POLA2: variants seen among roughly 807,000 people sequenced by gnomAD.
The protein encoded by POLA2 is DNA polymerase alpha subunit B.
A neutral mutation model predicts 82.8 loss-of-function variants in POLA2; 47 were observed. That is an observed-to-expected ratio of 0.57 (90% CI 0.45 to 0.72). The LOEUF is 0.72. Among genes scored for constraint, POLA2 ranks in the 30% least tolerant of loss-of-function variants. POLA2 has a pLI of 0.00. For missense variants in POLA2, 634 were observed against 728.1 expected, an observed-to-expected ratio of 0.87 and a Z score of 1.49; for synonymous variants, 287 against 286.8, an observed-to-expected ratio of 1.00 and a Z score of -0.01.
chr11:65,287,658 C>G (rs1189096645), intron 10 of POLA2, 58 bp from the exon 11 acceptor site: 2 of 1,485,752 alleles, frequency 1.3e-6, no homozygotes, highest in Non-Finnish European at 1.9e-6. Context: ...TGTCCTTTCT[C>G]CTCCCACCAT....
At chr11:65,305,938 T>C (rs972996732), downstream of POLA2, among the ~76,000 whole-genome samples, 4 of 152,134 alleles carry the variant, frequency 2.6e-5, no homozygotes, top group Non-Finnish European at 4.4e-5. Flanking sequence ...GGACACACTC[T>C]ATGTATTGAT....
In POLA2 at chr11:65,262,335, T is replaced by C; in HGVS notation, c.43T>C (p.Phe15Leu). Residue 15 changes from phenylalanine (F) to leucine (L), a missense_variant, in exon 1 of 18, where the codon TTC becomes CTC. By Grantham distance (22) the Phe-to-Leu change is conservative. Transcript: ENST00000265465. The stretch of plus-strand genomic sequence containing the variant: ...GCAGCTGGCGGAGGAGCTGCAGATC[T>C]TCGGCCTAGACTGCGAGGAGGCTCT... The part of the protein sequence containing the change: ...AQQLAEELQI[F>L]GLDCEEALIE... The C allele has an allele frequency of 6.2e-7, 1 of 1,613,926 alleles. No individual in the cohort carries two copies. Among genetic ancestry groups the C allele is most frequent in the Non-Finnish European group, 8.5e-7 (1 of 1,179,894 alleles).
chr11:65,267,383 A>G, intron 2 of POLA2, 94 bp from the exon 3 acceptor site: 1 of 683,590 alleles, frequency 1.5e-6, no homozygotes, highest in East Asian at 2.8e-5. Context: ...CTTTGATTAT[A>G]TTTTGAATAC....
intron 3 of POLA2, among the ~76,000 whole-genome samples, chr11:65,268,353 TA>T (rs775058575): frequency 1.9e-4 from 28 of 150,986 alleles, no homozygotes; most frequent in African/African-American, 6.3e-4. Context: ...TTATTATTAT[TA>T]TTATTTTTTT....
intron 13 of POLA2, among the ~76,000 whole-genome samples, chr11:65,293,034 A>G (rs1202665224): frequency 6.6e-6 from 1 of 152,194 alleles, no homozygotes; most frequent in East Asian, 1.9e-4. Context: ...CTTCACTTGT[A>G]TGTTGTAACC....
At chr11:65,286,088 T>A (rs959017716) in intron 10 of POLA2, among the ~76,000 whole-genome samples, 3 of 152,162 alleles carry the variant, frequency 2.0e-5, no homozygotes, top group South Asian at 2.1e-4. Context: ...TCCAGGTGGG[T>A]CCACTATAAT....
At chr11:65,270,464 A>G (rs550435537) in intron 4 of POLA2, among the ~76,000 whole-genome samples, 1 of 152,348 alleles carries the variant, frequency 6.6e-6, no homozygotes, top group African/African-American at 2.4e-5. Context: ...ATATTAAAAG[A>G]AATAATTAGG....
At chr11:65,286,653 G>A (rs1382037273) in intron 10 of POLA2, among the ~76,000 whole-genome samples, 4 of 152,128 alleles carry the variant, frequency 2.6e-5, no homozygotes, top group Non-Finnish European at 4.4e-5. Flanking sequence ...GCCTCTCAAA[G>A]TGCTGGAATT....
intron 1 of POLA2, 196 bp from the exon 2 acceptor site, chr11:65,266,386 T>A: frequency 3.5e-6 from 2 of 569,448 alleles, no homozygotes; most frequent in East Asian, 6.0e-5. Flanking sequence ...TCTGCCCTTA[T>A]CCTCTTTTGT....
intron 4 of POLA2, among the ~76,000 whole-genome samples, chr11:65,275,287 A>G (rs1337986858): frequency 6.6e-6 from 1 of 150,438 alleles, no homozygotes; most frequent in Non-Finnish European, 1.5e-5. Flanking sequence ...ATTATCCTAG[A>G]CTTTAGGGAG....
At chr11:65,265,424 G>C (rs967183280) in intron 1 of POLA2, among the ~76,000 whole-genome samples, 1 of 152,084 alleles carries the variant, frequency 6.6e-6, no homozygotes, top group African/African-American at 2.4e-5. Context: ...GACACTGTTT[G>C]TCATTTTTTC....
At chr11:65,262,837 T>C (rs762564194) in intron 1 of POLA2, among the ~76,000 whole-genome samples, 34 of 152,178 alleles carry the variant, frequency 2.2e-4, no homozygotes, top group Non-Finnish European at 4.0e-4. Context: ...TCTGTGCAAA[T>C]ATGAATCCCT....
intron 8 of POLA2, chr11:65,305,306 A>G (rs1207119487): frequency 2.2e-6 from 1 of 449,978 alleles, no homozygotes; most frequent in East Asian, 7.0e-5. Flanking sequence ...TGAAAAGGTG[A>G]CCAGCCTCAC....
chr11:65,291,325 G>A (rs1025386115), intron 13 of POLA2, among the ~76,000 whole-genome samples: 2 of 152,198 alleles, frequency 1.3e-5, no homozygotes, highest in African/African-American at 4.8e-5. Context: ...TCAATAAGTT[G>A]TAACATTACC....
In POLA2 at chr11:65,268,374, T is replaced by G. The variant is rs184535914; in HGVS notation, c.297-298T>G. On this transcript the variant is annotated intron_variant, in intron 3 of 17. Coordinates refer to ENST00000265465, the MANE Select transcript of POLA2 (RefSeq NM_002689.4). ...TTATTATTATTTTTTTTTTTTGAGA[T>G]GGAGTCTCGCTGTGTCGCCCATGCT... Among the ~76,000 whole-genome samples, 10 of 151,448 alleles carry G rather than the reference T, an allele frequency of 6.6e-5. No individual in the cohort carries two copies. The East Asian group carries it at 1.7e-3, about 26-fold the overall frequency.
chr11:65,300,861 C>T (rs890993107), downstream of POLA2, among the ~76,000 whole-genome samples: 1 of 152,246 alleles, frequency 6.6e-6, no homozygotes, highest in Non-Finnish European at 1.5e-5. Context: ...GGATTACAGG[C>T]GTAAGCCACT....
chr11:65,296,194 T>G, intron 17 of POLA2: 1 of 562,192 alleles, frequency 1.8e-6, no homozygotes, highest in Non-Finnish European at 3.2e-6. Context: ...GTAAACAGTG[T>G]CCTCTCCTCC....
At chr11:65,264,176 T>C (rs190096369) in intron 1 of POLA2, among the ~76,000 whole-genome samples, 1 of 152,280 alleles carries the variant, frequency 6.6e-6, no homozygotes, top group East Asian at 1.9e-4. Flanking sequence ...CAAGCGGTTC[T>C]CCTGCCTCAG....
chr11:65,292,822 G>C (rs1949769306), intron 13 of POLA2, among the ~76,000 whole-genome samples: 1 of 152,174 alleles, frequency 6.6e-6, no homozygotes, highest in Non-Finnish European at 1.5e-5. Flanking sequence ...AAGTCCACAT[G>C]TTTTAAGCAA....
Sources: allele counts gnomAD v4.1 joint callset (sites outside exome capture counted in the v4.1 genomes callset), GRCh38; gene constraint gnomAD v4.1.1; transcripts MANE v1.5; gene names NCBI Gene and HGNC (gene_info 2026-07-23, HGNC 2026-07-21).